PTCH1: variants seen among roughly 807,000 people sequenced by gnomAD.
PTCH1 encodes patched 1, also known as protein patched homolog 1.
A neutral mutation model predicts 144.6 loss-of-function variants in PTCH1; 14 were observed. The ratio of observed to expected loss-of-function variants is 0.10; its 90% CI spans 0.06 to 0.15. The LOEUF (loss-of-function observed/expected upper bound fraction) is 0.15, where lower values mean the gene tolerates loss of function less well. PTCH1 is among the 10% of genes least tolerant of loss of function. The pLI, the probability that PTCH1 is intolerant of heterozygous loss-of-function variation, is 1.00. For synonymous variants in PTCH1, 833 were observed against 793.6 expected, an observed-to-expected ratio of 1.05 and a Z score of -0.83; for missense variants, 1,623 against 1,948.3, an observed-to-expected ratio of 0.83 and a Z score of 3.14.
intron 1 of PTCH1, chr9:95,507,854 T>G: frequency 2.6e-6 from 3 of 1,135,796 alleles, no homozygotes; most frequent in Non-Finnish European, 3.4e-6. Flanking sequence ...TGGTCCGCCG[T>G]GGACGGCTTT....
Position 95,479,155 on chromosome 9 carries a change from A to G in PTCH1, c.1068-8T>C, listed in dbSNP as rs1194212093. The G allele has an allele frequency of 1.9e-6, 3 of 1,613,960 alleles. No individual in the cohort carries two copies. Among genetic ancestry groups the G allele is most frequent in the Admixed American group, 3.3e-5 (2 of 59,996 alleles). ...GTCTGCAGGGCATGGGCGCTGCAGC[A>G]CAGTCCAAGGGAAGGCACATCATCA... is the stretch of plus-strand genomic sequence containing the variant. On this transcript the variant is annotated splice_polypyrimidine_tract_variant and splice_region_variant and intron_variant, in intron 7 of 23. Transcript: ENST00000331920.
rs774841100 is a variant in PTCH1 at position 95,477,631 on chromosome 9, G to A, written c.1419C>T (p.Gly473=). Residue 473 remains glycine, a synonymous_variant, in exon 10 of 24, where the codon GGC becomes GGT. Transcript: ENST00000331920. ...CCACTGACAGTGCAACCAGCAGGAC[G>A]CCAGCCAGCCCCACGGCACCCTGGG... ...SKSQGAVGLA[G]VLLVALSVAA... is the part of the protein sequence containing the mutation. 35 of 1,613,516 alleles carry A rather than the reference G, an allele frequency of 2.2e-5. No homozygotes were observed. The highest frequency in any genetic ancestry group is 2.9e-5 in the Non-Finnish European group (34 of 1,179,970).
exon 1 of PTCH1, chr9:95,516,681 T>C: frequency 6.2e-7 from 1 of 1,613,272 alleles, no homozygotes. Flanking sequence ...TCCGTTTTCT[T>C]CTTCTTCTTC....
At chr9:95,473,822 G>A (rs953227716) in intron 12 of PTCH1, among the ~76,000 whole-genome samples, 1 of 152,192 alleles carries the variant, frequency 6.6e-6, no homozygotes. Flanking sequence ...GATTACAGGC[G>A]TGAGCCACCG....
At chr9:95,474,829 T>C (rs570640736) in intron 12 of PTCH1, among the ~76,000 whole-genome samples, 133 of 152,332 alleles carry the variant, frequency 8.7e-4, no homozygotes, top group Non-Finnish European at 1.7e-3. Flanking sequence ...TTTCTCTTCC[T>C]GCTCGCATCT....
At chr9:95,452,799 A>G (rs1838580569) in intron 20 of PTCH1, 1 of 153,282 alleles carries the variant, frequency 6.5e-6, no homozygotes, top group African/African-American at 2.4e-5. Flanking sequence ...AATTTTAGGT[A>G]TTTTTAAGTT....
intron 2 of PTCH1, among the ~76,000 whole-genome samples, chr9:95,494,035 C>T (rs1481678086): frequency 6.6e-6 from 1 of 152,224 alleles, no homozygotes; most frequent in Non-Finnish European, 1.5e-5. Context: ...AGGTCAACCA[C>T]CAAAGCATAA....
At chr9:95,453,328 A>C (rs2136629679) in intron 20 of PTCH1, 150 bp downstream of exon 20, 1 of 1,158,184 alleles carries the variant, frequency 8.6e-7, no homozygotes, top group Non-Finnish European at 1.3e-6. Context: ...GATGAGTTTC[A>C]CCATCTTGGC....
intron 16 of PTCH1, among the ~76,000 whole-genome samples, chr9:95,461,344 C>G (rs1324758283): frequency 6.6e-6 from 1 of 152,192 alleles, no homozygotes; most frequent in East Asian, 1.9e-4. Flanking sequence ...TCTGTCTACT[C>G]CTGGGGCCAG....
intron 5 of PTCH1, among the ~76,000 whole-genome samples, chr9:95,481,106 C>T (rs1183168546): frequency 1.3e-5 from 2 of 152,234 alleles, no homozygotes; most frequent in Non-Finnish European, 2.9e-5. Context: ...CCATCACAGC[C>T]ACTTCCCCCC....
In PTCH1 at chr9:95,458,762, C is replaced by A. The variant is rs529190765; in HGVS notation, c.2888-469G>T. Among the ~76,000 whole-genome samples the A allele has an allele frequency of 1.3e-5, 2 of 152,376 alleles. No individual in the cohort carries two copies. Among genetic ancestry groups the A allele is most frequent in the African/African-American group, 4.8e-5 (2 of 41,588 alleles). On this transcript the variant is annotated intron_variant, in intron 17 of 23. Transcript: ENST00000331920. This position sits in a 1 kb window ranked among gnomAD's most constrained non-coding sequence, Gnocchi z 4.7. Reference sequence around the variant, plus strand: ...TAATGCAATGCTAAGTCTTCAGCAACAGGGGAAGAAATCCTTACACAACAA... The same window carrying A: ...TAATGCAATGCTAAGTCTTCAGCAAAAGGGGAAGAAATCCTTACACAACAA...
intron 2 of PTCH1, among the ~76,000 whole-genome samples, chr9:95,497,709 T>C (rs955614337): frequency 2.0e-5 from 3 of 152,220 alleles, no homozygotes; most frequent in African/African-American, 7.2e-5. Flanking sequence ...TTTTATAAAC[T>C]TATCTGACCC....
intron 8 of PTCH1, 102 bp downstream of exon 8, chr9:95,478,898 G>T (rs1284106873): frequency 1.9e-5 from 29 of 1,552,990 alleles, no homozygotes; most frequent in Non-Finnish European, 2.5e-5. Flanking sequence ...GAATTGCAAT[G>T]TTTTGAAAAT....
chr9:95,464,703 C>A (rs1486841477), intron 15 of PTCH1, among the ~76,000 whole-genome samples: 2 of 152,054 alleles, frequency 1.3e-5, no homozygotes, highest in Non-Finnish European at 2.9e-5. Flanking sequence ...TAAAAAAAAT[C>A]AAAGACAAAC....
chr9:95,506,965 A>G (rs1293890728), intron 1 of PTCH1: 1 of 1,011,304 alleles, frequency 9.9e-7, no homozygotes, highest in African/African-American at 1.7e-5. Flanking sequence ...GGGGCTGCGT[A>G]ATCCCAGCGA....
At chr9:95,494,195 T>C (rs1040102989) in intron 2 of PTCH1, 1 of 985,132 alleles carries the variant, frequency 1.0e-6, no homozygotes. Flanking sequence ...CACCAGCTGC[T>C]GGCAGTGCCA....
rs1338490449 is a variant in PTCH1, at chr9:95,506,479, T to C, written c.322A>G (p.Ile108Val). 3.7e-6 allele frequency: 6 copies of C among 1,613,314 alleles called. No homozygotes were observed. The African/African-American group carries it at 5.3e-5, about 14-fold the overall frequency. ...AATCCCACCGCGAAGGCCCCAAATA[T>C]GAGGAGGCCCACAACCAAGAACTTG... ...CGKFLVVGLL[I>V]FGAFAVGLKA... The change falls in exon 2 of 24, where the codon ATA (isoleucine) becomes GTA (valine). Residue 108 changes from isoleucine (I) to valine (V), a missense_variant. By Grantham distance (29) the Ile-to-Val change is conservative (BLOSUM62 3). Coordinates refer to ENST00000331920, the MANE Select transcript of PTCH1 (RefSeq NM_000264.5).
At chr9:95,477,211 TG>T (rs1841115478) in intron 10 of PTCH1, among the ~76,000 whole-genome samples, 1 of 152,194 alleles carries the variant, frequency 6.6e-6, no homozygotes, top group Non-Finnish European at 1.5e-5. Context: ...TGAGAAACTC[TG>T]GGGGTGGGGC....
chr9:95,498,068 G>A (rs980703314), intron 2 of PTCH1, among the ~76,000 whole-genome samples: 23 of 152,114 alleles, frequency 1.5e-4, no homozygotes, highest in Admixed American at 3.9e-4. Context: ...AATGATTTAA[G>A]GGGGAAAAAA....
Sources: allele counts gnomAD v4.1 joint callset (sites outside exome capture counted in the v4.1 genomes callset), GRCh38; gene constraint gnomAD v4.1.1; non-coding constraint Gnocchi (gnomAD v3.1); transcripts MANE v1.5; gene names NCBI Gene and HGNC (gene_info 2026-07-23, HGNC 2026-07-21).